Variants in CFAP43 observed in about 807,000 individuals in gnomAD.
CFAP43 encodes the protein cilia- and flagella-associated protein 43.
In CFAP43, 155 loss-of-function variants were observed where a neutral mutation model predicts 218.9. The ratio of observed to expected loss-of-function variants is 0.71; its 90% CI spans 0.62 to 0.81. The LOEUF (loss-of-function observed/expected upper bound fraction) is 0.81, where lower values mean the gene tolerates loss of function less well. Ranked by LOEUF, CFAP43 falls within the 30% of genes least tolerant of loss-of-function variation. The pLI, the probability that CFAP43 is intolerant of heterozygous loss-of-function variation, is 0.00. For missense variants in CFAP43, 1,778 were observed against 1,954.3 expected (o/e 0.91, Z 1.70); for synonymous variants, 645 against 681.3 (o/e 0.95, Z 0.83).
chr10:104,168,434 A>C (rs1229715863), intron 21 of CFAP43, among the ~76,000 whole-genome samples: 1 of 152,156 alleles, frequency 6.6e-6, no homozygotes, highest in Non-Finnish European at 1.5e-5. Context: ...TCTACCTTTC[A>C]ATCTGTGTGA....
chr10:104,218,923 A>T, intron 3 of CFAP43: 2 of 462,900 alleles, frequency 4.3e-6, no homozygotes, highest in Non-Finnish European at 8.8e-6. Context: ...CCGAGGAGCC[A>T]CCACACCAAC....
chr10:104,171,418 A>C (rs370579570), intron 20 of CFAP43, among the ~76,000 whole-genome samples: 7 of 152,264 alleles, frequency 4.6e-5, no homozygotes, highest in African/African-American at 7.2e-5. Context: ...CCTCATTTCT[A>C]TATCTTCACC....
At chr10:104,194,922 C>T (rs1217468363) in intron 10 of CFAP43, among the ~76,000 whole-genome samples, 1 of 152,208 alleles carries the variant, frequency 6.6e-6, no homozygotes, top group Non-Finnish European at 1.5e-5. Context: ...AGAATGCACA[C>T]AGTCTCCCAA....
At chr10:104,194,523 C>A (rs2090331186) in intron 10 of CFAP43, among the ~76,000 whole-genome samples, 2 of 152,144 alleles carry the variant, frequency 1.3e-5, no homozygotes, top group Non-Finnish European at 2.9e-5. Context: ...GTTCAAACCA[C>A]CACACCTGGC....
At chr10:104,192,161 A>C in intron 12 of CFAP43, 38 bp downstream of exon 12, 1 of 1,426,864 alleles carries the variant, frequency 7.0e-7, no homozygotes, top group Non-Finnish European at 9.7e-7. Context: ...TCTTTGAAAT[A>C]ATCAATATTT....
At chr10:104,165,340 T>G (rs999547402) in intron 23 of CFAP43, among the ~76,000 whole-genome samples, 6 of 152,196 alleles carry the variant, frequency 3.9e-5, no homozygotes, top group Non-Finnish European at 8.8e-5. Flanking sequence ...AAAATTTCTC[T>G]TGGGCTGAAA....
intron 5 of CFAP43, among the ~76,000 whole-genome samples, chr10:104,210,199 G>A (rs2090811709): frequency 6.6e-6 from 1 of 152,192 alleles, no homozygotes; most frequent in Non-Finnish European, 1.5e-5. Context: ...ATACACAGAA[G>A]TGGAACCCAC....
At position 104,195,432 on chromosome 10, in the gene CFAP43, A is replaced by C. The variant is rs573812538; in HGVS notation, c.1294-1418T>G. Among the ~76,000 whole-genome samples, 394 of 152,370 alleles carry C rather than the reference A, an allele frequency of 2.6e-3. 4 individuals are homozygous for C. Among genetic ancestry groups the C allele is most frequent in the Non-Finnish European group, 4.1e-3 (281 of 68,028 alleles). On this transcript the variant is annotated intron_variant, in intron 10 of 37. Transcript: ENST00000357060. ...TACTATTTCTAATAGAAATGAATAC[A>C]TATAACCCTTGGTCACATAGACTAT...
intron 35 of CFAP43, chr10:104,133,384 G>T (rs1440930086): frequency 3.0e-6 from 1 of 338,288 alleles, no homozygotes. Context: ...AAGGACCACC[G>T]GGTTTGACAG....
intron 12 of CFAP43, among the ~76,000 whole-genome samples, chr10:104,188,969 C>G (rs1435489113): frequency 6.6e-6 from 1 of 152,132 alleles, no homozygotes; most frequent in Non-Finnish European, 1.5e-5. Flanking sequence ...GCTGCAGGTG[C>G]CCACTTTCTC....
intron 6 of CFAP43, 51 bp from the exon 7 acceptor site, chr10:104,206,081 A>T (rs2090678476): frequency 7.2e-7 from 1 of 1,390,426 alleles, no homozygotes; most frequent in Non-Finnish European, 1.0e-6. Flanking sequence ...TAAAAGTACA[A>T]TGTAACAATG....
intron 19 of CFAP43, among the ~76,000 whole-genome samples, chr10:104,175,297 T>C (rs1384441156): frequency 8.6e-5 from 13 of 152,042 alleles, no homozygotes. Flanking sequence ...TGGTGGTGCA[T>C]GTCTGCAGGC....
intron 3 of CFAP43, among the ~76,000 whole-genome samples, chr10:104,216,611 A>G (rs2091018726): frequency 6.6e-6 from 1 of 152,124 alleles, no homozygotes; most frequent in South Asian, 2.1e-4. Flanking sequence ...GATGGGATAC[A>G]GGAGTTGGTG....
intron 26 of CFAP43, 127 bp downstream of exon 26, chr10:104,161,834 G>A (rs538043387): frequency 5.2e-4 from 415 of 791,838 alleles, no homozygotes; most frequent in Non-Finnish European, 7.8e-4. Flanking sequence ...AAGGTACTAC[G>A]GAGGTTGTAT....
At chr10:104,171,996 C>T (rs2089432880) in intron 20 of CFAP43, among the ~76,000 whole-genome samples, 1 of 152,166 alleles carries the variant, frequency 6.6e-6, no homozygotes, top group South Asian at 2.1e-4. Flanking sequence ...TCCTCTACCA[C>T]TCTCAGAGGG....
intron 20 of CFAP43, among the ~76,000 whole-genome samples, chr10:104,172,099 G>A (rs1430112968): frequency 6.6e-6 from 1 of 152,170 alleles, no homozygotes; most frequent in Non-Finnish European, 1.5e-5. Context: ...TACTAAACCA[G>A]AAGCGTCCAA....
In CFAP43 at chr10:104,166,551, TAA is replaced by T. The variant is rs1336925344; in HGVS notation, c.2974_2975del (p.Leu992IlefsTer33). On this transcript the variant is annotated frameshift_variant, in exon 23 of 38. Coordinates refer to ENST00000357060, the MANE Select transcript of CFAP43 (RefSeq NM_025145.7). LOFTEE classifies it high-confidence loss of function. ...AATGAAGCTCCAATTGGCTTGACAA[TAA>T]AGAGGTATCTACCCCAAAATCAGTA... ...LSTDFGVDTS[L>X]LSSQLELHSR... The T allele has an allele frequency of 2.5e-6, 4 of 1,614,004 alleles. No homozygotes were observed. The African/African-American group carries it at 5.3e-5, about 22-fold the overall frequency.
chr10:104,207,519 T>C (rs2090729864), intron 6 of CFAP43, 146 bp downstream of exon 6: 1 of 687,512 alleles, frequency 1.5e-6, no homozygotes, highest in East Asian at 2.7e-5. Context: ...TATAAAGTGA[T>C]GGTAGAATGC....
intron 22 of CFAP43, 147 bp from the exon 23 acceptor site, chr10:104,166,865 C>A: frequency 1.5e-6 from 1 of 667,222 alleles, no homozygotes; most frequent in Admixed American, 3.1e-5. Context: ...TGAATAGATC[C>A]CAGAACTGCT....
Sources: allele counts gnomAD v4.1 joint callset (sites outside exome capture counted in the v4.1 genomes callset), GRCh38; gene constraint gnomAD v4.1.1; transcripts MANE v1.5; gene names NCBI Gene and HGNC (gene_info 2026-07-23, HGNC 2026-07-21).